FAM110B: variants seen among roughly 807,000 people sequenced by gnomAD.
FAM110B encodes the protein protein FAM110B.
FAM110B carries 6 observed loss-of-function variants against 20.4 expected under a neutral mutation model. That is an observed-to-expected ratio of 0.29 (90% confidence interval 0.16 to 0.58). The LOEUF (loss-of-function observed/expected upper bound fraction) is 0.58. FAM110B is among the 20% of genes least tolerant of loss of function. The pLI is 0.90. For synonymous variants in FAM110B, 226 were observed against 214.1 expected (o/e 1.06, Z -0.49); for missense variants, 434 against 498.2 (o/e 0.87, Z 1.23).
chr8:58,035,763 G>C (rs954456612), intron 2 of FAM110B, among the ~76,000 whole-genome samples: 2 of 152,188 alleles, frequency 1.3e-5, no homozygotes, highest in Non-Finnish European at 2.9e-5. Flanking sequence ...ATTGTAGTGG[G>C]AGTAACATGT....
intron 2 of FAM110B, among the ~76,000 whole-genome samples, chr8:58,060,820 C>T (rs1805642525): frequency 6.6e-6 from 1 of 152,192 alleles, no homozygotes; most frequent in South Asian, 2.1e-4. Context: ...CCCACCAGTG[C>T]AGGGCCCTGG....
At position 58,071,817 on chromosome 8, in the gene FAM110B, G is replaced by A. The variant is rs141840288; in HGVS notation, c.-413-3718G>A. 5.9e-3 allele frequency among the ~76,000 whole-genome samples: 904 copies of A among 152,296 alleles called. 7 individuals carry two copies. The highest frequency in any genetic ancestry group is 0.017 in the Middle Eastern group (5 of 294). ...GTCTTTGTGACTTGAACCAGCTGGC[G>A]GCATTCTCAGGTTTTAGACACCTTG... On this transcript the variant is annotated intron_variant, in intron 2 of 3. Coordinates refer to ENST00000519262, the MANE Select transcript of FAM110B (RefSeq NM_001377989.1).
Position 58,147,328 on chromosome 8 carries a change from G to T in FAM110B, c.1098G>T (p.Lys366Asn), listed in dbSNP as rs371117517. 1.2e-6 allele frequency: 2 copies of T among 1,613,566 alleles called. No homozygotes were observed. The highest frequency in any genetic ancestry group is 1.7e-6 in the Non-Finnish European group (2 of 1,179,674). The change falls in exon 4 of 4, where the codon AAG becomes AAT. Residue 366 changes from lysine (K) to asparagine (N), a missense_variant. Coordinates refer to ENST00000519262, the MANE Select transcript of FAM110B (RefSeq NM_001377989.1). ...YSIKQARESQ[K>N]VSHV ...TCAAACAAGCTAGAGAGTCACAGAA[G>T]GTCTCCCATGTGTAAGACAGTGCGT...
intron 3 of FAM110B, among the ~76,000 whole-genome samples, chr8:58,078,708 G>A (rs948542685): frequency 6.6e-6 from 1 of 151,626 alleles, no homozygotes; most frequent in African/African-American, 2.4e-5. Context: ...CCGCCACCAC[G>A]CCCGGCTAAT....
At chr8:58,123,806 C>T (rs970502762) in intron 3 of FAM110B, among the ~76,000 whole-genome samples, 2 of 152,108 alleles carry the variant, frequency 1.3e-5, no homozygotes, top group African/African-American at 2.4e-5. Flanking sequence ...TCGTAGCTGT[C>T]GTGATTTAGA....
intron 2 of FAM110B, among the ~76,000 whole-genome samples, chr8:58,064,311 A>G (rs1185068914): frequency 6.6e-6 from 1 of 152,234 alleles, no homozygotes. Flanking sequence ...ATCATCAATT[A>G]TTTCATTTTT....
At chr8:58,121,030 C>T (rs979000883) in intron 3 of FAM110B, among the ~76,000 whole-genome samples, 3 of 152,230 alleles carry the variant, frequency 2.0e-5, no homozygotes, top group Non-Finnish European at 2.9e-5. Context: ...ATAATGGATG[C>T]AGTGATGTCC....
intron 2 of FAM110B, among the ~76,000 whole-genome samples, chr8:58,047,517 C>T (rs192760166): frequency 6.6e-6 from 1 of 150,738 alleles, no homozygotes; most frequent in Non-Finnish European, 1.5e-5. Flanking sequence ...CCCTGAACTA[C>T]ATCTGGGGTG....
intron 2 of FAM110B, among the ~76,000 whole-genome samples, chr8:58,069,137 C>A (rs1055807689): frequency 2.6e-5 from 4 of 152,168 alleles, no homozygotes; most frequent in African/African-American, 9.7e-5. Context: ...AGCTTCTCAG[C>A]CTTCATGGCT....
chr8:58,106,066 C>T (rs1806905491), intron 3 of FAM110B: 1 of 152,170 alleles, frequency 6.6e-6, no homozygotes, highest in African/African-American at 2.4e-5. Context: ...TCCATCCAAT[C>T]ACTACTTTTC....
chr8:58,054,564 G>A (rs926268795), intron 2 of FAM110B, among the ~76,000 whole-genome samples: 1 of 152,142 alleles, frequency 6.6e-6, no homozygotes, highest in Non-Finnish European at 1.5e-5. Context: ...TAAACAAATA[G>A]ATACACAGAA....
chr8:58,077,909 C>G (rs1229725996), intron 3 of FAM110B, among the ~76,000 whole-genome samples: 1 of 152,168 alleles, frequency 6.6e-6, no homozygotes, highest in Non-Finnish European at 1.5e-5. Flanking sequence ...AACCTTAAGT[C>G]AATGTGTGCA....
At chr8:58,095,568 C>G (rs562906399) in intron 3 of FAM110B, among the ~76,000 whole-genome samples, 22 of 152,212 alleles carry the variant, frequency 1.4e-4, no homozygotes, top group African/African-American at 5.3e-4. Context: ...TTTCTTAATC[C>G]TAAGTTCTAA....
intron 2 of FAM110B, among the ~76,000 whole-genome samples, chr8:58,072,146 A>G (rs1006519434): frequency 1.3e-5 from 2 of 152,176 alleles, no homozygotes; most frequent in Non-Finnish European, 2.9e-5. Flanking sequence ...GTGTCTCTCT[A>G]TCTCCTGAAA....
At chr8:58,100,513 G>A (rs569100406) in intron 3 of FAM110B, among the ~76,000 whole-genome samples, 3 of 152,308 alleles carry the variant, frequency 2.0e-5, no homozygotes, top group Admixed American at 6.5e-5. Flanking sequence ...CAGCAGGGCT[G>A]GTTCCTTCTG....
intron 1 of FAM110B, among the ~76,000 whole-genome samples, chr8:58,024,400 A>C (rs780652185): frequency 1.3e-5 from 2 of 152,136 alleles, no homozygotes; most frequent in Non-Finnish European, 2.9e-5. Flanking sequence ...AAAATTTTCC[A>C]ATTGTTGGGA....
At chr8:57,996,788 G>A (rs1212941088) in intron 1 of FAM110B, among the ~76,000 whole-genome samples, 1 of 152,160 alleles carries the variant, frequency 6.6e-6, no homozygotes, top group Non-Finnish European at 1.5e-5. Context: ...AACTCTCACA[G>A]TGTTAAAAGA....
At chr8:58,117,189 G>T (rs1385837109) in intron 3 of FAM110B, among the ~76,000 whole-genome samples, 1 of 152,188 alleles carries the variant, frequency 6.6e-6, no homozygotes, top group Non-Finnish European at 1.5e-5. Flanking sequence ...ATTTTTCTCT[G>T]AATCTAATAA....
At chr8:58,105,534 AAATG>A in intron 3 of FAM110B, among the ~76,000 whole-genome samples, 1 of 150,822 alleles carries the variant, frequency 6.6e-6, no homozygotes, top group Non-Finnish European at 1.5e-5. Flanking sequence ...CCTTGTCTGA[AAATG>A]AATGAATGAA....
Sources: gnomAD v4.1 joint callset for allele counts (sites outside exome capture counted in the v4.1 genomes callset) on GRCh38, gnomAD v4.1.1 for gene constraint, MANE v1.5 for transcripts, NCBI Gene and HGNC (gene_info 2026-07-23, HGNC 2026-07-21) for gene names.